CMIP: variants seen among roughly 807,000 people sequenced by gnomAD.
CMIP encodes the protein C-Maf-inducing protein.
In CMIP, 13 loss-of-function variants were observed where a neutral mutation model predicts 97.3. The observed-to-expected ratio is 0.13, with a 90% CI of 0.09 to 0.21. The LOEUF (loss-of-function observed/expected upper bound fraction) is 0.21, where lower values mean the gene tolerates loss of function less well. Among genes scored for constraint, CMIP ranks in the 10% least tolerant of loss-of-function variants. CMIP has a pLI of 1.00. For synonymous variants in CMIP, 538 were observed against 436.3 expected (o/e 1.23, Z -2.91); for missense variants, 847 against 1,024.9 (o/e 0.83, Z 2.37).
intron 1 of CMIP, chr16:81,519,806 C>T (rs1378897274): frequency 6.6e-6 from 1 of 152,202 alleles, no homozygotes; most frequent in Non-Finnish European, 1.5e-5. Flanking sequence ...GGTGCTGGGA[C>T]ATGGTAGACT....
chr16:81,625,171 C>T (rs547379179), intron 3 of CMIP, among the ~76,000 whole-genome samples: 51 of 152,366 alleles, frequency 3.3e-4, no homozygotes, highest in African/African-American at 1.2e-3. Context: ...GGCCTGGCCT[C>T]TGCCATGTTG....
Position 81,699,856 on chromosome 16 carries a change from G to A in CMIP, c.1755+55G>A, listed in dbSNP as rs188205729. 53 of 1,235,148 alleles carry A rather than the reference G, an allele frequency of 4.3e-5. No homozygotes were observed. The South Asian group carries it at 4.5e-4, about 10-fold the overall frequency. The allele number at this position is 1,235,148 out of a possible 1,614,324, so 76.5% of individuals were successfully genotyped here. ...GTGGCTGGCTCCCCGTCCCTTGTCCGTGCCGATAGAGCATCTGCTGGGAGC... is the reference window on the plus strand; with the variant it reads ...GTGGCTGGCTCCCCGTCCCTTGTCCATGCCGATAGAGCATCTGCTGGGAGC... On this transcript the variant is annotated intron_variant, in intron 15 of 20. Coordinates refer to ENST00000537098, the MANE Select transcript of CMIP (RefSeq NM_198390.3).
At position 81,477,440 on chromosome 16, in the gene CMIP, C is replaced by T. The variant is rs192110247; in HGVS notation, c.300+31899C>T. On this transcript the variant is annotated intron_variant, in intron 1 of 20. Coordinates refer to ENST00000537098, the MANE Select transcript of CMIP (RefSeq NM_198390.3). ...CCTCCCAAAGTGCTGGGATTACAGG[C>T]GTGAGCCACCGCACCTAGCCTGAAT... 3.3e-5 allele frequency among the ~76,000 whole-genome samples: 5 copies of T among 152,264 alleles called. No individual in the cohort carries two copies. In the East Asian group the frequency reaches 7.7e-4, roughly 24 times the overall value.
intron 3 of CMIP, among the ~76,000 whole-genome samples, chr16:81,624,432 C>G (rs1216251483): frequency 3.3e-5 from 5 of 151,146 alleles, no homozygotes; most frequent in Non-Finnish European, 7.4e-5. Flanking sequence ...AGAATACGTT[C>G]TCCTGTATGT....
At chr16:81,612,935 T>C (rs1351451619) in intron 2 of CMIP, among the ~76,000 whole-genome samples, 6 of 152,158 alleles carry the variant, frequency 3.9e-5, no homozygotes, top group Middle Eastern at 3.2e-3. Flanking sequence ...TTCTCTTGGC[T>C]CAGCCACCAG....
intron 6 of CMIP, among the ~76,000 whole-genome samples, chr16:81,662,986 A>G (rs1193565451): frequency 6.6e-6 from 1 of 152,162 alleles, no homozygotes; most frequent in Non-Finnish European, 1.5e-5. Context: ...TATATTAAAT[A>G]AGGACCCTGT....
chr16:81,589,711 G>T (rs2091437786), intron 1 of CMIP, among the ~76,000 whole-genome samples: 1 of 152,202 alleles, frequency 6.6e-6, no homozygotes, highest in African/African-American at 2.4e-5. Context: ...TCGAAGAAAA[G>T]TTTTTGTTGA....
In CMIP at chr16:81,578,693, G is replaced by A. The variant is rs114586412; in HGVS notation, c.301-28874G>A. On this transcript the variant is annotated intron_variant, in intron 1 of 20. Transcript: ENST00000537098. ...ATAAAGACATTTTGGTTTTTTGCAC[G>A]TGGGAGACATCACAAAAGACTGTGC... Among the ~76,000 whole-genome samples the A allele has an allele frequency of 1.2e-3, 183 of 152,236 alleles. 1 individual carries two copies. The highest frequency in any genetic ancestry group is 2.4e-3 in the Admixed American group (37 of 15,286).
intron 4 of CMIP, among the ~76,000 whole-genome samples, chr16:81,653,718 T>C (rs2092453727): frequency 6.6e-6 from 1 of 152,174 alleles, no homozygotes; most frequent in African/African-American, 2.4e-5. Flanking sequence ...GTTCAAGCCG[T>C]TCTCCTGCCA....
intron 13 of CMIP, among the ~76,000 whole-genome samples, chr16:81,694,234 C>G (rs557299899): frequency 1.3e-5 from 2 of 152,296 alleles, no homozygotes; most frequent in South Asian, 4.1e-4. Context: ...GTGTGCTGTG[C>G]TCTGAGATGC....
intron 1 of CMIP, among the ~76,000 whole-genome samples, chr16:81,563,762 G>T (rs1373811542): frequency 6.6e-6 from 1 of 152,188 alleles, no homozygotes; most frequent in Non-Finnish European, 1.5e-5. Flanking sequence ...ATGGTGCAGA[G>T]GTGCCCTGGG....
intron 1 of CMIP, among the ~76,000 whole-genome samples, chr16:81,491,234 G>A (rs1324539110): frequency 2.0e-5 from 3 of 152,218 alleles, no homozygotes; most frequent in Non-Finnish European, 4.4e-5. Flanking sequence ...GAGTGCCGGT[G>A]TCTGGGGTTG....
intron 10 of CMIP, among the ~76,000 whole-genome samples, chr16:81,681,420 T>C (rs1904863685): frequency 6.6e-6 from 1 of 151,532 alleles, no homozygotes; most frequent in Non-Finnish European, 1.5e-5. Flanking sequence ...CACATACTAG[T>C]TGTGACCTTG....
intron 1 of CMIP, among the ~76,000 whole-genome samples, chr16:81,521,399 C>T (rs548423132): frequency 6.6e-6 from 1 of 151,834 alleles, no homozygotes; most frequent in Admixed American, 6.6e-5. Context: ...ATAGCAAACA[C>T]GAGCTGCCCC....
rs79228744 is a variant in CMIP, at chr16:81,590,823, T to TCATCCATCCATC, written c.301-16707_301-16696dup. Among the ~76,000 whole-genome samples the TCATCCATCCATC allele has an allele frequency of 2.8e-3, 421 of 150,644 alleles. 1 individual carries two copies. The highest frequency in any genetic ancestry group is 8.1e-3 in the East Asian group (41 of 5,054). On this transcript the variant is annotated intron_variant, in intron 1 of 20. Coordinates refer to ENST00000537098, the MANE Select transcript of CMIP (RefSeq NM_198390.3). ...AGAGAAAACATATTCTCACTTTCTC[T>TCATCCATCCATC]CATCCATCCATCCATCCATCCATCC...
chr16:81,646,576 C>G (rs1597189905), intron 3 of CMIP, among the ~76,000 whole-genome samples: 1 of 152,336 alleles, frequency 6.6e-6, no homozygotes, highest in East Asian at 1.9e-4. Context: ...GTCATCACCA[C>G]AATTCAGTTT....
At chr16:81,649,472 G>T (rs2092402820) in intron 3 of CMIP, among the ~76,000 whole-genome samples, 1 of 152,246 alleles carries the variant, frequency 6.6e-6, no homozygotes, top group Non-Finnish European at 1.5e-5. Context: ...ACAGGAGATT[G>T]TACTCATGGC....
intron 1 of CMIP, among the ~76,000 whole-genome samples, chr16:81,587,101 GT>G (rs1205749632): frequency 6.6e-6 from 1 of 152,220 alleles, no homozygotes; most frequent in African/African-American, 2.4e-5. Flanking sequence ...CCTAATAGCA[GT>G]TAACTGGTAT....
chr16:81,652,415 G>T lies in CMIP; in HGVS notation c.639+51G>T. 3 of 1,486,138 alleles carry T rather than the reference G, an allele frequency of 2.0e-6. No individual in the cohort carries two copies. The highest frequency in any genetic ancestry group is 2.8e-6 in the Non-Finnish European group (3 of 1,080,184). The allele number at this position is 1,486,138 out of a possible 1,614,324, so 92.1% of individuals were successfully genotyped here. A position where few individuals can be genotyped will look rare whatever the true frequency, so the allele number is the denominator to read the frequency against. On this transcript the variant is annotated intron_variant, in intron 4 of 20. Coordinates refer to ENST00000537098, the MANE Select transcript of CMIP (RefSeq NM_198390.3). The surrounding 1 kb of genome is among the most constrained non-coding windows in gnomAD (Gnocchi z 5.2). ...TACATTGTTTGCCTTTCCCTCCACC[G>T]ATCACCGGCTCCATGCCAAGCAGCA... is the stretch of plus-strand genomic sequence containing the variant.
Sources: allele counts gnomAD v4.1 joint callset (sites outside exome capture counted in the v4.1 genomes callset), GRCh38; gene constraint gnomAD v4.1.1; non-coding constraint Gnocchi (gnomAD v3.1); transcripts MANE v1.5; gene names NCBI Gene and HGNC (gene_info 2026-07-23, HGNC 2026-07-21).